The following SLC5A12 variants were observed in gnomAD, a reference collection of about 807,000 sequenced individuals.
The protein encoded by SLC5A12 is sodium-coupled monocarboxylate transporter 2.
SLC5A12 carries 46 observed loss-of-function variants against 72.7 expected under a neutral mutation model. The ratio of observed to expected loss-of-function variants is 0.63; its 90% CI spans 0.50 to 0.81. The LOEUF (loss-of-function observed/expected upper bound fraction) is 0.81. SLC5A12 is among the 30% of genes least tolerant of loss of function. The pLI is 0.00. For missense variants in SLC5A12, 683 were observed against 740.7 expected (o/e 0.92, Z 0.90); for synonymous variants, 275 against 264.4 (o/e 1.04, Z -0.39).
rs1470630540 is a variant in SLC5A12 at position 26,683,843 on chromosome 11, C to G, written c.1222G>C (p.Ala408Pro). The G allele has an allele frequency of 1.8e-5, 29 of 1,591,018 alleles. No individual in the cohort carries two copies. The highest frequency in any genetic ancestry group is 2.3e-5 in the Non-Finnish European group (27 of 1,169,256). The change falls in exon 11 of 15, where the codon GCT becomes CCT. Residue 408 changes from alanine to proline, a missense_variant and splice_region_variant. Transcript: ENST00000396005. ...AASVMGGVVQ[A>P]SLSIHGMCGG... is the part of the protein sequence containing the mutation. ...CACATGCCGTGAATGCTGAGGGAAG[C>G]CTGTGGAACAAAGGCAGACCAGATG...
chr11:26,716,508 A>C (rs1328144648), intron 1 of SLC5A12, among the ~76,000 whole-genome samples: 4 of 152,184 alleles, frequency 2.6e-5, no homozygotes, highest in Non-Finnish European at 4.4e-5. Context: ...TACAACAGAG[A>C]AGTTGCATGC....
At chr11:26,687,463 T>G (rs368366853) in intron 9 of SLC5A12, among the ~76,000 whole-genome samples, 57 of 152,306 alleles carry the variant, frequency 3.7e-4, no homozygotes, top group African/African-American at 1.3e-3. Context: ...TAATTCAATC[T>G]TATTGAATAC....
Position 26,698,553 on chromosome 11 carries a change from G to C in SLC5A12, c.822-18C>G, listed in dbSNP as rs762087982. 17 of 1,613,266 alleles carry C rather than the reference G, an allele frequency of 1.1e-5. No individual in the cohort carries two copies. Among genetic ancestry groups the C allele is most frequent in the Admixed American group, 1.7e-5 (1 of 59,950 alleles). On this transcript the variant is annotated intron_variant, in intron 6 of 14. Transcript: ENST00000396005. ...ACAAGGCACTAGAAAAGAGCACATG[G>C]GCCTATTGGTAGCCTGTATACCATA...
chr11:26,712,171 G>GC lies in SLC5A12; in HGVS notation c.405+469_405+470insG, dbSNP rs112957269. On this transcript the variant is annotated intron_variant, in intron 2 of 14. Transcript: ENST00000396005. ...GCATGAAGACATCCCAAAGCTGGGG[G>GC]GGTGGGAAAGGAGTTCATAAGAAAG... Among the ~76,000 whole-genome samples the GC allele has an allele frequency of 1.4e-3, 216 of 152,158 alleles. 2 individuals carry two copies. The highest frequency in any genetic ancestry group is 4.9e-3 in the African/African-American group (203 of 41,532).
intron 12 of SLC5A12, among the ~76,000 whole-genome samples, chr11:26,680,839 T>G (rs1854395344): frequency 6.6e-6 from 1 of 152,160 alleles, no homozygotes; most frequent in Admixed American, 6.6e-5. Context: ...ATTAACTCTT[T>G]CACCAAATTG....
chr11:26,699,583 TTTG>T (rs1320468734), intron 6 of SLC5A12, among the ~76,000 whole-genome samples: 2 of 152,212 alleles, frequency 1.3e-5, no homozygotes, highest in Non-Finnish European at 2.9e-5. Flanking sequence ...TATGTGTTTG[TTTG>T]TTTTTCTTGG....
At chr11:26,697,289 A>G (rs780811359) in intron 7 of SLC5A12, 37 bp from the exon 8 acceptor site, 4 of 1,554,150 alleles carry the variant, frequency 2.6e-6, no homozygotes, top group Non-Finnish European at 3.5e-6. Flanking sequence ...ATAAATAAAA[A>G]GAAGAAAGAA....
chr11:26,712,356 C>A (rs1855249374), intron 2 of SLC5A12, among the ~76,000 whole-genome samples: 2 of 152,036 alleles, frequency 1.3e-5, no homozygotes, highest in Admixed American at 6.6e-5. Context: ...CAGACCATTT[C>A]ATATCTAATC....
In SLC5A12 at chr11:26,703,880, G is replaced by A. The variant is rs1045075941; in HGVS notation, c.593C>T (p.Thr198Met). 6 of 1,613,764 alleles carry A rather than the reference G, an allele frequency of 3.7e-6. No homozygotes were observed. Among genetic ancestry groups the A allele is most frequent in the African/African-American group, 1.3e-5 (1 of 74,886 alleles). Residue 198 changes from threonine to methionine, a missense_variant, in exon 5 of 15, where the codon ACG becomes ATG. Physicochemically the swap from Thr to Met is moderately conservative, Grantham distance 81. Coordinates refer to ENST00000396005, the MANE Select transcript of SLC5A12 (RefSeq NM_178498.4). Reference sequence around the variant, plus strand: ...ATGAGTTGATCCTTGAATGAGAACCGTTAAGAAGCCCACAATCATGACAAC... The same window carrying A: ...ATGAGTTGATCCTTGAATGAGAACCATTAAGAAGCCCACAATCATGACAAC... ...QMVVMIVGFL[T>M]VLIQGSTHAG...
At position 26,669,830 on chromosome 11, in the gene SLC5A12, C is replaced by T. The variant is rs1854098094; in HGVS notation, c.*1272G>A. 6.6e-6 allele frequency: 1 copy of T among 152,048 alleles called. No individual in the cohort carries two copies. Among genetic ancestry groups the T allele is most frequent in the Admixed American group, 6.6e-5 (1 of 15,234 alleles). 9.4% of individuals were successfully genotyped at this position (152,048 alleles called of 1,614,324 possible). ...ACTTTGCTAACACACTGTTTCTAGG[C>T]CTTTTGCTTTTATCTGGCCACCAAA... On this transcript the variant is annotated 3_prime_UTR_variant, in exon 15 of 15. Coordinates refer to ENST00000396005, the MANE Select transcript of SLC5A12 (RefSeq NM_178498.4).
At chr11:26,682,584 G>C (rs571966201) in intron 11 of SLC5A12, among the ~76,000 whole-genome samples, 1 of 152,134 alleles carries the variant, frequency 6.6e-6, no homozygotes, top group African/African-American at 2.4e-5. Flanking sequence ...CTAGGCAAAG[G>C]CCATGTCTTA....
intron 9 of SLC5A12, among the ~76,000 whole-genome samples, chr11:26,689,341 T>C (rs1590718607): frequency 6.6e-6 from 1 of 151,858 alleles, no homozygotes; most frequent in African/African-American, 2.4e-5. Flanking sequence ...GAGGTGGCAG[T>C]GAGTCGAGAT....
At chr11:26,716,071 T>C (rs1303835653) in intron 1 of SLC5A12, among the ~76,000 whole-genome samples, 1 of 152,128 alleles carries the variant, frequency 6.6e-6, no homozygotes, top group African/African-American at 2.4e-5. Flanking sequence ...ACCAAAAATA[T>C]GTAGCATTAG....
Position 26,711,378 on chromosome 11 carries a change from C to A in SLC5A12, c.406-20G>T. The A allele has an allele frequency of 6.2e-7, 1 of 1,602,806 alleles. No homozygotes were observed. The highest frequency in any genetic ancestry group is 8.5e-7 in the Non-Finnish European group (1 of 1,171,130). On this transcript the variant is annotated intron_variant, in intron 2 of 14. Transcript: ENST00000396005. ...GAGAATCTGGTAGAGAAACAAGAAT[C>A]AGATTGGCAGTGAGAAAGGGACATA... is the stretch of plus-strand genomic sequence containing the variant.
chr11:26,698,651 T>C, intron 6 of SLC5A12, 116 bp from the exon 7 acceptor site: 1 of 924,774 alleles, frequency 1.1e-6, no homozygotes, highest in East Asian at 2.6e-5. Context: ...TAAAATAAAA[T>C]TCTATAGCCT....
Position 26,673,411 on chromosome 11 carries a change from C to T in SLC5A12, c.1698G>A (p.Gly566=). 6.3e-7 allele frequency: 1 copy of T among 1,597,986 alleles called. No homozygotes were observed. The change falls in exon 14 of 15, where the codon GGG becomes GGA. Residue 566 remains glycine, a synonymous_variant. Coordinates refer to ENST00000396005, the MANE Select transcript of SLC5A12 (RefSeq NM_178498.4). The part of the protein sequence containing the change: ...LCWCGVQHDS[G]TEQENLENGS... ...TCAAACATCAGCTCACCTGCTCTGT[C>T]CCACTGTCATGCTGAACTCCACACC...
intron 8 of SLC5A12, among the ~76,000 whole-genome samples, chr11:26,693,844 G>A (rs1438866018): frequency 2.0e-5 from 3 of 152,018 alleles, no homozygotes; most frequent in African/African-American, 7.2e-5. Flanking sequence ...AATTGCTTGG[G>A]GGGTACTATT....
intron 12 of SLC5A12, among the ~76,000 whole-genome samples, chr11:26,680,308 T>TATATATATGTATATATATTC (rs1565185572): frequency 1.7e-5 from 2 of 114,382 alleles, no homozygotes; most frequent in African/African-American, 3.7e-5. Context: ...TATATTCATA[T>TATATATATGTATATATATTC]ATATATATGT....
At chr11:26,672,722 G>T (rs1326799386) in intron 14 of SLC5A12, among the ~76,000 whole-genome samples, 1 of 152,080 alleles carries the variant, frequency 6.6e-6, no homozygotes, top group Non-Finnish European at 1.5e-5. Flanking sequence ...CTTTCTGGTG[G>T]TCTTTGGCTG....
Sources: gnomAD v4.1 joint callset for allele counts (sites outside exome capture counted in the v4.1 genomes callset) on GRCh38, gnomAD v4.1.1 for gene constraint, MANE v1.5 for transcripts, NCBI Gene and HGNC (gene_info 2026-07-23, HGNC 2026-07-21) for gene names.